VWA8: variants seen among roughly 807,000 people sequenced by gnomAD.
VWA8 encodes von Willebrand factor A domain containing 8, also known as von Willebrand factor A domain-containing protein 8.
Under a neutral mutation model 241.5 loss-of-function variants are expected in VWA8, and 221 were observed. That is an observed-to-expected ratio of 0.91 (90% CI 0.82 to 1.02). The LOEUF is 1.02. Ranked by LOEUF, VWA8 falls within the 50% of genes least tolerant of loss-of-function variation. VWA8 has a pLI of 0.00. For synonymous variants in VWA8, 852 were observed against 827.1 expected (o/e 1.03, Z -0.52); for missense variants, 2,322 against 2,328.7 (o/e 1.00, Z 0.06).
At chr13:41,729,063 T>C (rs2045459813) in intron 23 of VWA8, among the ~76,000 whole-genome samples, 2 of 151,918 alleles carry the variant, frequency 1.3e-5, no homozygotes. Flanking sequence ...AGGGTGTGTG[T>C]GGGAGGGGGG....
At chr13:41,618,615 A>G (rs2044636760) in intron 37 of VWA8, among the ~76,000 whole-genome samples, 1 of 152,158 alleles carries the variant, frequency 6.6e-6, no homozygotes, top group African/African-American at 2.4e-5. Flanking sequence ...TAGGTCTAAC[A>G]TTTAAGTCTT....
intron 44 of VWA8, among the ~76,000 whole-genome samples, chr13:41,568,743 G>A (rs951032452): frequency 4.6e-5 from 7 of 152,098 alleles, no homozygotes; most frequent in Admixed American, 2.0e-4. Flanking sequence ...AAAACGCTGC[G>A]CAGCCAAACC....
intron 26 of VWA8, among the ~76,000 whole-genome samples, chr13:41,716,637 T>C (rs951722815): frequency 6.6e-5 from 10 of 152,084 alleles, no homozygotes; most frequent in Non-Finnish European, 1.5e-4. Flanking sequence ...ATCCCCATCC[T>C]GAGTGTGGGT....
At chr13:41,679,189 A>G (rs1337169528) in intron 35 of VWA8, among the ~76,000 whole-genome samples, 2 of 152,342 alleles carry the variant, frequency 1.3e-5, no homozygotes, top group Non-Finnish European at 2.9e-5. Context: ...TTCACTAACC[A>G]TTAAAGGGAA....
intron 17 of VWA8, among the ~76,000 whole-genome samples, chr13:41,808,285 A>G (rs1308612219): frequency 6.6e-6 from 1 of 152,220 alleles, no homozygotes; most frequent in Non-Finnish European, 1.5e-5. Flanking sequence ...CTATAAAGAA[A>G]TATCTGAGAC....
At chr13:41,588,475 C>CT (rs1312693557) in intron 41 of VWA8, among the ~76,000 whole-genome samples, 1 of 152,116 alleles carries the variant, frequency 6.6e-6, no homozygotes, top group Non-Finnish European at 1.5e-5. Context: ...AATCCCAGTG[C>CT]TTTGGGAGGC....
intron 15 of VWA8, among the ~76,000 whole-genome samples, chr13:41,817,767 G>A (rs973973207): frequency 6.6e-6 from 1 of 152,120 alleles, no homozygotes; most frequent in Non-Finnish European, 1.5e-5. Flanking sequence ...ATGCTTACAA[G>A]ACCTACAATT....
At chr13:41,920,642 G>A (rs947433318) in intron 2 of VWA8, among the ~76,000 whole-genome samples, 1 of 152,098 alleles carries the variant, frequency 6.6e-6, no homozygotes, top group Non-Finnish European at 1.5e-5. Flanking sequence ...AAACTACCAT[G>A]AGAGAATACT....
chr13:41,894,992 A>G (rs766165285), intron 4 of VWA8, among the ~76,000 whole-genome samples: 55 of 152,154 alleles, frequency 3.6e-4, no homozygotes, highest in Non-Finnish European at 6.2e-4. Context: ...GTGGGAGATA[A>G]CAGTCTTTTT....
At chr13:41,771,232 C>T (rs1252645471) in intron 20 of VWA8, among the ~76,000 whole-genome samples, 1 of 152,162 alleles carries the variant, frequency 6.6e-6, no homozygotes, top group Non-Finnish European at 1.5e-5. Context: ...AAACATTCCT[C>T]CTGTCTCAGC....
intron 24 of VWA8, among the ~76,000 whole-genome samples, chr13:41,725,242 G>T (rs2137854752): frequency 6.6e-6 from 1 of 152,232 alleles, no homozygotes; most frequent in Middle Eastern, 3.4e-3. Flanking sequence ...TATCAAGGTG[G>T]GTAGGTGAAA....
At position 41,744,453 on chromosome 13, in the gene VWA8, GAAC is replaced by G. The variant is rs1334797139; in HGVS notation, c.2427-12301_2427-12299del. Among the ~76,000 whole-genome samples, 3 of 152,282 alleles carry G rather than the reference GAAC, an allele frequency of 2.0e-5. No homozygotes were observed. In the East Asian group the frequency reaches 5.8e-4, roughly 29 times the overall value. ...AAATTAGCTAAGGAAGTTGTGAACT[GAAC>G]AACCCATAAATAAATAAATCTACTT... On this transcript the variant is annotated intron_variant, in intron 21 of 44. Coordinates refer to ENST00000379310, the MANE Select transcript of VWA8 (RefSeq NM_015058.2).
chr13:41,944,592 C>T lies in VWA8; in HGVS notation c.241+5344G>A, dbSNP rs571044507. Among the ~76,000 whole-genome samples the T allele has an allele frequency of 1.7e-3, 263 of 152,256 alleles. 13 individuals carry two copies. In the South Asian group the frequency reaches 0.05, roughly 29 times the overall value. ...CCTCCCAAAGTGCTAGGATTACAGG[C>T]GTGAGCCCAATTGTTTTACAACAAA... On this transcript the variant is annotated intron_variant, in intron 2 of 44. Transcript: ENST00000379310.
chr13:41,843,079 C>A (rs1372404098), intron 12 of VWA8, among the ~76,000 whole-genome samples: 2 of 152,014 alleles, frequency 1.3e-5, no homozygotes, highest in African/African-American at 2.4e-5. Flanking sequence ...CTATTGTTTA[C>A]CAGAAAGCCA....
intron 44 of VWA8, among the ~76,000 whole-genome samples, chr13:41,570,191 C>A (rs565538326): frequency 1.3e-5 from 2 of 152,058 alleles, no homozygotes; most frequent in African/African-American, 4.8e-5. Context: ...AAATACTACC[C>A]GGTTTATTAG....
At chr13:41,648,926 G>A (rs1244122156) in intron 37 of VWA8, among the ~76,000 whole-genome samples, 1 of 152,200 alleles carries the variant, frequency 6.6e-6, no homozygotes, top group Non-Finnish European at 1.5e-5. Flanking sequence ...GCTCATGCCT[G>A]TAATCCCAGC....
chr13:41,885,524 T>C (rs1874479954), intron 8 of VWA8, among the ~76,000 whole-genome samples: 1 of 152,210 alleles, frequency 6.6e-6, no homozygotes, highest in African/African-American at 2.4e-5. Flanking sequence ...GTCTGGGAAT[T>C]TGTGTCCCCT....
At chr13:41,733,271 A>G (rs898738913) in intron 21 of VWA8, among the ~76,000 whole-genome samples, 3 of 152,232 alleles carry the variant, frequency 2.0e-5, no homozygotes, top group Non-Finnish European at 4.4e-5. Context: ...ACGTCATCAA[A>G]TAACTGTTTT....
intron 43 of VWA8, among the ~76,000 whole-genome samples, chr13:41,573,692 G>A (rs1017031233): frequency 4.0e-5 from 6 of 150,270 alleles, no homozygotes; most frequent in South Asian, 2.1e-4. Context: ...ATCTTGGTTC[G>A]CTGCAGCCTC....
Sources: gnomAD v4.1 joint callset for allele counts (sites outside exome capture counted in the v4.1 genomes callset) on GRCh38, gnomAD v4.1.1 for gene constraint, MANE v1.5 for transcripts, NCBI Gene and HGNC (gene_info 2026-07-23, HGNC 2026-07-21) for gene names.